The following MGAT3 variants were observed in gnomAD, a reference collection of about 807,000 sequenced individuals.
MGAT3 encodes the protein GlcNAc-T III.
MGAT3 carries 9 observed loss-of-function variants against 29.8 expected under a neutral mutation model. The observed-to-expected ratio is 0.30, with a 90% CI of 0.18 to 0.53. MGAT3 has a LOEUF of 0.53. Among genes scored for constraint, MGAT3 ranks in the 20% least tolerant of loss-of-function variants. MGAT3 has a pLI of 0.96. For synonymous variants in MGAT3, 397 were observed against 348.9 expected, an observed-to-expected ratio of 1.14 and a Z score of -1.54; for missense variants, 557 against 769.5, an observed-to-expected ratio of 0.72 and a Z score of 3.27.
At chr22:39,465,990 A>G (rs1928635126) in intron 1 of MGAT3, among the ~76,000 whole-genome samples, 1 of 151,882 alleles carries the variant, frequency 6.6e-6, no homozygotes. Flanking sequence ...GCACTGCCCG[A>G]AGGTGACAGA....
intron 1 of MGAT3, among the ~76,000 whole-genome samples, chr22:39,475,488 C>G (rs1238886659): frequency 2.6e-5 from 4 of 152,162 alleles, no homozygotes; most frequent in African/African-American, 9.7e-5. Flanking sequence ...ACCCTGGTGT[C>G]AGGCAGCCCC....
Position 39,487,932 on chromosome 22 carries a change from C to A in MGAT3, c.585C>A (p.Thr195=), listed in dbSNP as rs1409934643. 3 of 1,608,972 alleles carry A rather than the reference C, an allele frequency of 1.9e-6. No individual in the cohort carries two copies. The highest frequency in any genetic ancestry group is 2.5e-6 in the Non-Finnish European group (3 of 1,178,278). Residue 195 remains threonine, a synonymous_variant, in exon 2 of 2, where the codon ACC becomes ACA. Transcript: ENST00000341184. The surrounding 1 kb of genome is among the most constrained non-coding windows in gnomAD (Gnocchi z 5.7). ...PTVVQYSNLP[T]KERLVPREVP... is the part of the protein sequence containing the mutation. ...TGGTGCAGTACTCCAACCTGCCCAC[C>A]AAGGAGCGGCTGGTGCCCAGGGAGG...
rs745864152 is a variant in MGAT3 at position 39,487,579 on chromosome 22, T to C, written c.232T>C (p.Ser78Pro). Reference protein sequence around the residue: ...DLLRTPLYSHSPLLQPLPPSK... With the variant: ...DLLRTPLYSHPPLLQPLPPSK... Reference sequence around the variant, plus strand: ...GCTGCGTACCCCACTCTACTCCCACTCGCCCCTGCTGCAGCCGCTGCCGCC... The same window carrying C: ...GCTGCGTACCCCACTCTACTCCCACCCGCCCCTGCTGCAGCCGCTGCCGCC... The change falls in exon 2 of 2, where the codon TCG (serine) becomes CCG (proline). Residue 78 changes from serine (S) to proline (P), a missense_variant. Ser to Pro is a moderately conservative substitution (Grantham distance 74). Coordinates refer to ENST00000341184, the MANE Select transcript of MGAT3 (RefSeq NM_002409.5). The surrounding 1 kb of genome is among the most constrained non-coding windows in gnomAD (Gnocchi z 5.7). 2.5e-6 allele frequency: 4 copies of C among 1,611,500 alleles called. No homozygotes were observed. In the Admixed American group the frequency reaches 6.7e-5, roughly 27 times the overall value.
intron 1 of MGAT3, among the ~76,000 whole-genome samples, chr22:39,486,703 G>T (rs1184178181): frequency 6.6e-6 from 1 of 151,886 alleles, no homozygotes. Flanking sequence ...GTCTCACTAT[G>T]TTGTCCAAGC....
At chr22:39,463,238 G>C (rs2054884265) in intron 1 of MGAT3, among the ~76,000 whole-genome samples, 1 of 152,218 alleles carries the variant, frequency 6.6e-6, no homozygotes, top group African/African-American at 2.4e-5. Context: ...TTGCTGAGAG[G>C]CAAGCACTAT....
At chr22:39,486,029 A>C (rs761695793) in intron 1 of MGAT3, 3 of 328,272 alleles carry the variant, frequency 9.1e-6, no homozygotes, top group Admixed American at 9.1e-5. Context: ...TTTTAAATCT[A>C]TCATTGATTG....
chr22:39,464,859 T>G (rs1362662081), intron 1 of MGAT3, among the ~76,000 whole-genome samples: 1 of 151,730 alleles, frequency 6.6e-6, no homozygotes, highest in African/African-American at 2.4e-5. Flanking sequence ...CACGCCATTC[T>G]CCTACCTCAG....
chr22:39,466,180 A>G (rs916087264), intron 1 of MGAT3, among the ~76,000 whole-genome samples: 1 of 152,032 alleles, frequency 6.6e-6, no homozygotes, highest in African/African-American at 2.4e-5. Flanking sequence ...AACCAGAAAA[A>G]TGCAGTTGTA....
rs562563637 is a variant in MGAT3, at chr22:39,487,065, G to T, written c.-1-282G>T. ...CAGTGCAGCCGCACAGTCAGGGTGG[G>T]GTGGGCCAGGCGGAGAAGCAGGCTG... On this transcript the variant is annotated intron_variant, in intron 1 of 1. Coordinates refer to ENST00000341184, the MANE Select transcript of MGAT3 (RefSeq NM_002409.5). This position sits in a 1 kb window ranked among gnomAD's most constrained non-coding sequence, Gnocchi z 5.7. Among the ~76,000 whole-genome samples, 3 of 152,296 alleles carry T rather than the reference G, an allele frequency of 2.0e-5. No homozygotes were observed. Among genetic ancestry groups the T allele is most frequent in the African/African-American group, 7.2e-5 (3 of 41,570 alleles).
intron 1 of MGAT3, among the ~76,000 whole-genome samples, chr22:39,483,297 C>T (rs141521970): frequency 0.013 from 2,003 of 152,210 alleles, 79 homozygotes; most frequent in Admixed American, 0.091. Flanking sequence ...GAGTTCGAGA[C>T]GAGCCTGACC....
In MGAT3 at chr22:39,484,021, C is replaced by G. The variant is rs150571331; in HGVS notation, c.-1-3326C>G. On this transcript the variant is annotated intron_variant, in intron 1 of 1. Transcript: ENST00000341184. The stretch of plus-strand genomic sequence containing the variant: ...TCTTACCAGCCTGCTCAGGACTCCT[C>G]GCAAGCTGAGGTCATGAGGGGCACC... Among the ~76,000 whole-genome samples the G allele has an allele frequency of 2.1e-3, 318 of 152,330 alleles. 1 individual carries two copies. The highest frequency in any genetic ancestry group is 5.6e-3 in the Admixed American group (85 of 15,300).
intron 1 of MGAT3, among the ~76,000 whole-genome samples, chr22:39,481,933 C>G (rs545763700): frequency 2.0e-5 from 3 of 152,200 alleles, no homozygotes; most frequent in African/African-American, 7.2e-5. Flanking sequence ...ACTGTTACAC[C>G]TGATGGTTTG....
At chr22:39,486,267 C>T (rs1452381071) in intron 1 of MGAT3, 2 of 369,602 alleles carry the variant, frequency 5.4e-6, no homozygotes, top group Admixed American at 7.9e-5. Flanking sequence ...CCTGCCTCAG[C>T]CGGTATAGCT....
At chr22:39,466,062 G>T (rs113101326) in intron 1 of MGAT3, among the ~76,000 whole-genome samples, 125 of 152,338 alleles carry the variant, frequency 8.2e-4, no homozygotes, top group African/African-American at 2.9e-3. Context: ...CTGCGAGGAA[G>T]GCCCAGTCAG....
At chr22:39,478,818 C>T (rs982267588) in intron 1 of MGAT3, among the ~76,000 whole-genome samples, 3 of 152,202 alleles carry the variant, frequency 2.0e-5, no homozygotes, top group Non-Finnish European at 2.9e-5. Context: ...AGTTTGGGCT[C>T]ATCAGCTTCC....
chr22:39,481,045 C>T (rs560110395), intron 1 of MGAT3, among the ~76,000 whole-genome samples: 41 of 152,314 alleles, frequency 2.7e-4, no homozygotes, highest in African/African-American at 9.6e-4. Context: ...AGGCCATGGC[C>T]TCCCTTCTCT....
At chr22:39,471,245 G>A (rs933709085) in intron 1 of MGAT3, among the ~76,000 whole-genome samples, 7 of 152,110 alleles carry the variant, frequency 4.6e-5, no homozygotes, top group East Asian at 1.9e-4. Flanking sequence ...CAGTTTGTTC[G>A]GGCCTGTAAG....
chr22:39,487,736 CG>C lies in MGAT3; in HGVS notation c.392del (p.Gly131AspfsTer23). On this transcript the variant is annotated frameshift_variant, in exon 2 of 2. Transcript: ENST00000341184. LOFTEE classifies it high-confidence loss of function. The surrounding 1 kb of genome is among the most constrained non-coding windows in gnomAD (Gnocchi z 5.7). ...ACCAAGATGCTGGAGAGGCCGCCCCCGGGACGGCCGGAGGAGAAGCCTGAGG... is the reference window on the plus strand; with the variant it reads ...ACCAAGATGCTGGAGAGGCCGCCCCCGGACGGCCGGAGGAGAAGCCTGAGG... ...PGTKMLERPPPGRPEEKPEGA... is the reference protein window; with the variant it reads ...PGTKMLERPPXGRPEEKPEGA... 6.5e-7 allele frequency: 1 copy of C among 1,542,594 alleles called. No individual in the cohort carries two copies. Among genetic ancestry groups the C allele is most frequent in the South Asian group, 1.2e-5 (1 of 80,916 alleles).
In MGAT3 at chr22:39,463,394, G is replaced by A. The variant is rs1287716052; in HGVS notation, c.-2+5837G>A. Among the ~76,000 whole-genome samples the A allele has an allele frequency of 2.6e-5, 4 of 152,280 alleles. No individual in the cohort carries two copies. The South Asian group carries it at 6.2e-4, about 24-fold the overall frequency. ...CAGACCTGTTCCTTCTCTCCCGTGGGCTCCCAGCAGGGCCTGTTCCCTGAG... is the reference window on the plus strand; with the variant it reads ...CAGACCTGTTCCTTCTCTCCCGTGGACTCCCAGCAGGGCCTGTTCCCTGAG... On this transcript the variant is annotated intron_variant, in intron 1 of 1. Transcript: ENST00000341184.
Sources: allele counts gnomAD v4.1 joint callset (sites outside exome capture counted in the v4.1 genomes callset), GRCh38; gene constraint gnomAD v4.1.1; non-coding constraint Gnocchi (gnomAD v3.1); transcripts MANE v1.5; gene names NCBI Gene and HGNC (gene_info 2026-07-23, HGNC 2026-07-21).